CIAPIN1: variants seen among roughly 807,000 people sequenced by gnomAD.
CIAPIN1 encodes cytokine induced apoptosis inhibitor 1.
A neutral mutation model predicts 34.3 loss-of-function variants in CIAPIN1; 18 were observed. That is an observed-to-expected ratio of 0.52 (90% CI 0.36 to 0.78). CIAPIN1 has a LOEUF of 0.78. Among genes scored for constraint, CIAPIN1 ranks in the 30% least tolerant of loss-of-function variants. The probability of loss-of-function intolerance (pLI) is 0.00; values close to 1 mark genes in which losing one functional copy is unlikely to be tolerated. For missense variants in CIAPIN1, 310 were observed against 372.5 expected (o/e 0.83, Z 1.38); for synonymous variants, 131 against 140.4 (o/e 0.93, Z 0.47).
Position 57,440,846 on chromosome 16 carries a change from A to G in CIAPIN1, c.83T>C (p.Leu28Pro). 1 of 1,614,026 alleles carries G rather than the reference A, an allele frequency of 6.2e-7. No individual in the cohort carries two copies. The highest frequency in any genetic ancestry group is 8.5e-7 in the Non-Finnish European group (1 of 1,179,934). Reference sequence around the variant, plus strand: ...GGTTAACGCTTGAAGCTTATCCACCAGACCTTTCAGAGCCTCCACTGGGGA... The same window carrying G: ...GGTTAACGCTTGAAGCTTATCCACCGGACCTTTCAGAGCCTCCACTGGGGA... ...KSSPVEALKG[L>P]VDKLQALTGN... The change falls in exon 2 of 9, where the codon CTG becomes CCG. Residue 28 changes from leucine (L) to proline (P), a missense_variant. By Grantham distance (98) the Leu-to-Pro change is moderately conservative. Transcript: ENST00000394391.
At chr16:57,431,333 G>T in intron 6 of CIAPIN1, 67 bp from the exon 7 acceptor site, 1 of 1,090,222 alleles carries the variant, frequency 9.2e-7, no homozygotes, top group Non-Finnish European at 1.4e-6. Context: ...TAAAGTGACT[G>T]CAGGCTTCGA....
chr16:57,437,613 T>C (rs566040499), intron 3 of CIAPIN1, among the ~76,000 whole-genome samples: 2 of 152,110 alleles, frequency 1.3e-5, no homozygotes, highest in Non-Finnish European at 2.9e-5. Context: ...AGCCTCGACC[T>C]CCCAGGTTCA....
chr16:57,438,701 T>C (rs1352285708), intron 3 of CIAPIN1, among the ~76,000 whole-genome samples: 1 of 152,210 alleles, frequency 6.6e-6, no homozygotes, highest in Non-Finnish European at 1.5e-5. Flanking sequence ...TACCCCTTTA[T>C]AGCTCCACCA....
chr16:57,440,740 G>A, intron 2 of CIAPIN1, 32 bp downstream of exon 2: 1 of 1,583,716 alleles, frequency 6.3e-7, no homozygotes, highest in Non-Finnish European at 8.6e-7. Flanking sequence ...AACCCCTCCA[G>A]CCTCATAAAG....
In CIAPIN1 at chr16:57,428,372, T is replaced by G. The variant is rs1903002004; in HGVS notation, c.*798A>C. Reference sequence around the variant, plus strand: ...TTCTGCCCTGCTTCCCTCTAAATGCTCACCAACCTGGACTCTTCTAAAGTG... The same window carrying G: ...TTCTGCCCTGCTTCCCTCTAAATGCGCACCAACCTGGACTCTTCTAAAGTG... On this transcript the variant is annotated 3_prime_UTR_variant, in exon 9 of 9. Transcript: ENST00000394391. The G allele has an allele frequency of 6.6e-6, 1 of 152,156 alleles. No homozygotes were observed. The highest frequency in any genetic ancestry group is 6.5e-5 in the Admixed American group (1 of 15,270). 9.4% of individuals were successfully genotyped at this position (152,156 alleles called of 1,614,324 possible).
intron 7 of CIAPIN1, 175 bp from the exon 8 acceptor site, chr16:57,430,514 GGGA>G (rs1903063575): frequency 1.6e-6 from 1 of 620,986 alleles, no homozygotes; most frequent in African/African-American, 1.8e-5. Flanking sequence ...AGACAGAAGT[GGGA>G]GGAGGATGAG....
chr16:57,446,397 AG>A (rs1163536431), intron 1 of CIAPIN1, among the ~76,000 whole-genome samples: 1 of 152,172 alleles, frequency 6.6e-6, no homozygotes. Flanking sequence ...GCACCCGTGC[AG>A]GGGGGAGCCG....
rs1903277709 is a variant in CIAPIN1 at position 57,439,414 on chromosome 16, T to G, written c.158-80A>C. 13 of 1,463,358 alleles carry G rather than the reference T, an allele frequency of 8.9e-6. No individual in the cohort carries two copies. The South Asian group carries it at 1.4e-4, about 16-fold the overall frequency. The allele number at this position is 1,463,358 out of a possible 1,614,324, so 90.6% of individuals were successfully genotyped here. ...GTCCCTTCCAACCCCCAACAAAAGC[T>G]ACAGACCTCACCCTGAGAGAATGGA... On this transcript the variant is annotated intron_variant, in intron 2 of 8. Transcript: ENST00000394391.
chr16:57,431,901 C>T lies in CIAPIN1; in HGVS notation c.630+586G>A, dbSNP rs559007212. Among the ~76,000 whole-genome samples, 5 of 152,304 alleles carry T rather than the reference C, an allele frequency of 3.3e-5. No homozygotes were observed. The East Asian group carries it at 7.7e-4, about 23-fold the overall frequency. On this transcript the variant is annotated intron_variant, in intron 6 of 8. Coordinates refer to ENST00000394391, the MANE Select transcript of CIAPIN1 (RefSeq NM_020313.4). ...AACTTGCCCAAAGGTGCCAATAAAA[C>T]TATTTAAGCTGACAAAATCTTTTCA...
intron 1 of CIAPIN1, among the ~76,000 whole-genome samples, chr16:57,446,460 A>G (rs1567575758): frequency 6.6e-6 from 1 of 152,214 alleles, no homozygotes; most frequent in African/African-American, 2.4e-5. Context: ...CACAACTTTA[A>G]CAGACACAAT....
intron 3 of CIAPIN1, among the ~76,000 whole-genome samples, chr16:57,438,463 C>T (rs1471267974): frequency 2.0e-5 from 3 of 152,166 alleles, no homozygotes; most frequent in African/African-American, 7.2e-5. Flanking sequence ...GTCTTCACTT[C>T]GTCCCTCCCC....
chr16:57,433,843 G>C (rs1238971557), intron 5 of CIAPIN1: 1 of 501,270 alleles, frequency 2.0e-6, no homozygotes, highest in African/African-American at 1.9e-5. Context: ...AGCTGAACTA[G>C]ATAATACCTA....
At chr16:57,442,347 A>AAT (rs1306129536) in intron 1 of CIAPIN1, among the ~76,000 whole-genome samples, 1 of 152,000 alleles carries the variant, frequency 6.6e-6, no homozygotes, top group Non-Finnish European at 1.5e-5. Context: ...TCCGTCTCAA[A>AAT]ATAAATAAAT....
At chr16:57,436,518 A>G (rs1315807375) in intron 4 of CIAPIN1, 138 bp downstream of exon 4, 1 of 498,088 alleles carries the variant, frequency 2.0e-6, no homozygotes, top group Non-Finnish European at 3.5e-6. Flanking sequence ...GTGAGCCACC[A>G]CACCCGGCCG....
chr16:57,442,124 T>C (rs1267886511), intron 1 of CIAPIN1, among the ~76,000 whole-genome samples: 8 of 152,332 alleles, frequency 5.3e-5, no homozygotes, highest in South Asian at 4.1e-4. Flanking sequence ...GCCAGGCGAA[T>C]TGCCTGAGCC....
rs1182951133 is a variant in CIAPIN1, at chr16:57,428,617, G to A, written c.*553C>T. On this transcript the variant is annotated 3_prime_UTR_variant, in exon 9 of 9. Coordinates refer to ENST00000394391, the MANE Select transcript of CIAPIN1 (RefSeq NM_020313.4). Reference sequence around the variant, plus strand: ...AATGACAACAGGACACAGATGCAATGCTACAGTCAAATGTGGTTGGGGATG... The same window carrying A: ...AATGACAACAGGACACAGATGCAATACTACAGTCAAATGTGGTTGGGGATG... 1 of 152,592 alleles carries A rather than the reference G, an allele frequency of 6.6e-6. No individual in the cohort carries two copies. The highest frequency in any genetic ancestry group is 1.5e-5 in the Non-Finnish European group (1 of 68,324). The allele number at this position is 152,592 out of a possible 1,614,324, so 9.5% of individuals were successfully genotyped here.
intron 6 of CIAPIN1, among the ~76,000 whole-genome samples, chr16:57,431,630 T>C (rs1195689843): frequency 6.6e-6 from 1 of 151,238 alleles, no homozygotes; most frequent in East Asian, 1.9e-4. Flanking sequence ...TTATGAAGAG[T>C]CACGTGAAAA....
At chr16:57,439,408 A>G (rs1903277499) in intron 2 of CIAPIN1, 74 bp from the exon 3 acceptor site, 4 of 1,526,884 alleles carry the variant, frequency 2.6e-6, no homozygotes, top group Non-Finnish European at 3.6e-6. Context: ...AACCCCCAAC[A>G]AAAGCTACAG....
intron 1 of CIAPIN1, among the ~76,000 whole-genome samples, chr16:57,442,620 C>T (rs943320333): frequency 3.3e-5 from 5 of 151,498 alleles, no homozygotes; most frequent in African/African-American, 1.2e-4. Flanking sequence ...TGCTTGAGCC[C>T]AGGAGGTTGA....
Sources: allele counts gnomAD v4.1 joint callset (sites outside exome capture counted in the v4.1 genomes callset), GRCh38; gene constraint gnomAD v4.1.1; transcripts MANE v1.5; gene names NCBI Gene and HGNC (gene_info 2026-07-23, HGNC 2026-07-21).